KLHL2: variants seen among roughly 807,000 people sequenced by gnomAD.
KLHL2 encodes the protein kelch like family member 2.
A neutral mutation model predicts 75.8 loss-of-function variants in KLHL2; 15 were observed. That is an observed-to-expected ratio of 0.20 (90% CI 0.13 to 0.30). KLHL2 has a LOEUF of 0.30. Among genes scored for constraint, KLHL2 ranks in the 10% least tolerant of loss-of-function variants. The pLI, the probability that KLHL2 is intolerant of heterozygous loss-of-function variation, is 1.00. For missense variants in KLHL2, 381 were observed against 741.0 expected (o/e 0.51, Z 5.64); for synonymous variants, 214 against 251.9 (o/e 0.85, Z 1.42).
intron 5 of KLHL2, among the ~76,000 whole-genome samples, chr4:165,266,501 G>A (rs1742252891): frequency 2.0e-5 from 3 of 152,120 alleles, no homozygotes; most frequent in Admixed American, 2.0e-4. Flanking sequence ...TTTTTATATG[G>A]TGTAAGGAAG....
At chr4:165,234,788 T>C (rs966146001) in intron 3 of KLHL2, among the ~76,000 whole-genome samples, 3 of 151,824 alleles carry the variant, frequency 2.0e-5, no homozygotes, top group Admixed American at 6.6e-5. Flanking sequence ...TTTAGCCATA[T>C]ATGTGTTCTT....
At chr4:165,239,551 C>A (rs1013795450) in intron 4 of KLHL2, among the ~76,000 whole-genome samples, 2 of 152,164 alleles carry the variant, frequency 1.3e-5, no homozygotes, top group African/African-American at 4.8e-5. Flanking sequence ...AGGTGTGAAC[C>A]ACCATATGCC....
intron 3 of KLHL2, among the ~76,000 whole-genome samples, chr4:165,234,613 A>AT (rs1186473633): frequency 0.013 from 1,513 of 115,232 alleles, 25 homozygotes; most frequent in African/African-American, 0.03. Context: ...TTGAGTTGGA[A>AT]TTTTTTTTTT....
intron 4 of KLHL2, among the ~76,000 whole-genome samples, chr4:165,256,527 C>T (rs1192537663): frequency 2.6e-5 from 4 of 152,182 alleles, no homozygotes; most frequent in East Asian, 1.9e-4. Flanking sequence ...CCTTTCAACA[C>T]GCCAAAGTGA....
chr4:165,260,367 A>C (rs1366916110), intron 4 of KLHL2, among the ~76,000 whole-genome samples: 1 of 152,212 alleles, frequency 6.6e-6, no homozygotes, highest in Admixed American at 6.5e-5. Flanking sequence ...ATTATATGTG[A>C]ATATAATCTA....
At chr4:165,264,413 CTCTG>C (rs1446043459) in intron 5 of KLHL2, among the ~76,000 whole-genome samples, 2 of 151,564 alleles carry the variant, frequency 1.3e-5, no homozygotes, top group Non-Finnish European at 1.5e-5. Flanking sequence ...CATTATACCA[CTCTG>C]TCTGCCTTTG....
rs1349690925 is a variant in KLHL2, at chr4:165,315,499, CT to C, written c.1609+1337del. 2.6e-5 allele frequency among the ~76,000 whole-genome samples: 4 copies of C among 152,268 alleles called. No individual in the cohort carries two copies. In the East Asian group the frequency reaches 7.7e-4, roughly 29 times the overall value. Reference sequence around the variant, plus strand: ...GAAGAGAGAGAAATCTGAAAGCTTACTTTTCAGTTTGTTTTTCCTTCTCAAT... The same window carrying C: ...GAAGAGAGAGAAATCTGAAAGCTTACTTTCAGTTTGTTTTTCCTTCTCAAT... On this transcript the variant is annotated intron_variant, in intron 13 of 14. Transcript: ENST00000226725.
chr4:165,230,752 T>A (rs1401224832), intron 3 of KLHL2, among the ~76,000 whole-genome samples: 1 of 152,192 alleles, frequency 6.6e-6, no homozygotes, highest in East Asian at 1.9e-4. Flanking sequence ...ATAGGAGAGC[T>A]TATTATGTTT....
chr4:165,284,537 G>A (rs1282107425), intron 5 of KLHL2, among the ~76,000 whole-genome samples: 2 of 152,090 alleles, frequency 1.3e-5, no homozygotes, highest in Admixed American at 1.3e-4. Context: ...GGATTTCATT[G>A]TCCATATCAT....
Position 165,207,998 on chromosome 4 carries a change from G to C in KLHL2, c.26+96G>C, listed in dbSNP as rs1314053861. ...GGGCGCAGCTCTGGGGACAGCCGCC[G>C]GGGCCGGCGGGAGGTGGGAGATGCG... On this transcript the variant is annotated intron_variant, in intron 1 of 14. Coordinates refer to ENST00000226725, the MANE Select transcript of KLHL2 (RefSeq NM_007246.4). This position sits in a 1 kb window ranked among gnomAD's most constrained non-coding sequence, Gnocchi z 4.2. 1.1e-6 allele frequency: 1 copy of C among 869,674 alleles called. No individual in the cohort carries two copies. Among genetic ancestry groups the C allele is most frequent in the Admixed American group, 4.6e-5 (1 of 21,544 alleles). 53.9% of individuals were successfully genotyped at this position (869,674 alleles called of 1,614,324 possible).
chr4:165,299,734 G>C (rs995746814), intron 8 of KLHL2, 78 bp downstream of exon 8: 5 of 1,261,854 alleles, frequency 4.0e-6, no homozygotes, highest in Middle Eastern at 1.9e-4. Flanking sequence ...TTGCTCATTT[G>C]AATTTCCGTG....
At chr4:165,237,187 A>G (rs938650221) in intron 3 of KLHL2, among the ~76,000 whole-genome samples, 1 of 152,124 alleles carries the variant, frequency 6.6e-6, no homozygotes, top group Non-Finnish European at 1.5e-5. Context: ...TTATACCCCA[A>G]CTATTCACAG....
chr4:165,278,754 G>C, intron 5 of KLHL2: 1 of 1,581,738 alleles, frequency 6.3e-7, no homozygotes, highest in Non-Finnish European at 8.7e-7. Context: ...AGAAGGCCAT[G>C]ATCAGAAAAT....
chr4:165,287,063 A>G (rs1165776283), intron 5 of KLHL2, among the ~76,000 whole-genome samples: 2 of 152,192 alleles, frequency 1.3e-5, no homozygotes, highest in Non-Finnish European at 2.9e-5. Context: ...CAGTAGTGTC[A>G]TGTATAAGTA....
intron 12 of KLHL2, 60 bp from the exon 13 acceptor site, chr4:165,313,966 T>G: frequency 6.5e-7 from 1 of 1,540,250 alleles, no homozygotes; most frequent in African/African-American, 1.4e-5. Context: ...TAAATAAACC[T>G]AATATGATAT....
chr4:165,293,364 T>G (rs1035942448), intron 5 of KLHL2, among the ~76,000 whole-genome samples: 3 of 152,222 alleles, frequency 2.0e-5, no homozygotes, highest in Non-Finnish European at 4.4e-5. Flanking sequence ...GAAAAAAATT[T>G]TTTAAGTATT....
chr4:165,279,669 C>T (rs1743492885), intron 5 of KLHL2: 3 of 1,600,346 alleles, frequency 1.9e-6, no homozygotes, highest in Non-Finnish European at 2.6e-6. Flanking sequence ...GGTCCGCCCG[C>T]GTTTGCGGCC....
chr4:165,299,722 T>G, intron 8 of KLHL2, 66 bp downstream of exon 8: 4 of 1,383,400 alleles, frequency 2.9e-6, no homozygotes, highest in Non-Finnish European at 3.9e-6. Context: ...GCTGTTAGTA[T>G]TTTGCTCATT....
At chr4:165,265,233 T>C (rs954742418) in intron 5 of KLHL2, among the ~76,000 whole-genome samples, 2 of 152,166 alleles carry the variant, frequency 1.3e-5, no homozygotes, top group Admixed American at 1.3e-4. Flanking sequence ...ATTTGATTTT[T>C]TCTTGCTGAC....
Sources: allele counts gnomAD v4.1 joint callset (sites outside exome capture counted in the v4.1 genomes callset), GRCh38; gene constraint gnomAD v4.1.1; non-coding constraint Gnocchi (gnomAD v3.1); transcripts MANE v1.5; gene names NCBI Gene and HGNC (gene_info 2026-07-23, HGNC 2026-07-21).